The following SCAPER variants were observed in gnomAD, a reference collection of about 807,000 sequenced individuals.
SCAPER encodes S-phase cyclin A associated protein in the ER, also known as S phase cyclin A-associated protein in the endoplasmic reticulum.
SCAPER carries 98 observed loss-of-function variants against 182.2 expected under a neutral mutation model. That is an observed-to-expected ratio of 0.54 (90% CI 0.46 to 0.64). SCAPER has a LOEUF of 0.64. SCAPER is among the 30% of genes least tolerant of loss of function. The pLI is 0.00. For missense variants in SCAPER, 1,432 were observed against 1,690.0 expected, an observed-to-expected ratio of 0.85 and a Z score of 2.68; for synonymous variants, 605 against 564.6, an observed-to-expected ratio of 1.07 and a Z score of -1.01.
At chr15:76,887,108 G>T (rs62029245) in intron 1 of SCAPER, among the ~76,000 whole-genome samples, 10,227 of 152,178 alleles carry the variant, frequency 0.067, 380 homozygotes, top group Middle Eastern at 0.11. Flanking sequence ...CATGACACAA[G>T]TTTACCAACA....
intron 24 of SCAPER, chr15:76,472,226 C>T (rs1391080969): frequency 3.7e-6 from 2 of 535,618 alleles, no homozygotes; most frequent in Non-Finnish European, 7.3e-6. Flanking sequence ...CTAAAAAGTC[C>T]CCTGCAAAGG....
chr15:76,546,457 T>G (rs2045291728), intron 23 of SCAPER, among the ~76,000 whole-genome samples: 1 of 152,122 alleles, frequency 6.6e-6, no homozygotes, highest in Non-Finnish European at 1.5e-5. Context: ...CCCAAAGTGC[T>G]GTGATTACAT....
intron 23 of SCAPER, among the ~76,000 whole-genome samples, chr15:76,518,766 T>C (rs1359673671): frequency 3.9e-5 from 6 of 152,250 alleles, no homozygotes; most frequent in Non-Finnish European, 5.9e-5. Flanking sequence ...CATTAATCTA[T>C]ACTTTGATCA....
At chr15:76,545,018 C>G (rs16968364) in intron 23 of SCAPER, among the ~76,000 whole-genome samples, 12,875 of 152,112 alleles carry the variant, frequency 0.085, 637 homozygotes, top group African/African-American at 0.13. Flanking sequence ...CTTATATAAG[C>G]AAGGCATGAT....
chr15:76,494,764 T>C (rs1567267719), intron 24 of SCAPER, among the ~76,000 whole-genome samples: 1 of 152,074 alleles, frequency 6.6e-6, no homozygotes, highest in Non-Finnish European at 1.5e-5. Context: ...AGATATTCTA[T>C]CTTATCAATA....
At chr15:76,728,527 T>C (rs2060723794) in intron 17 of SCAPER, 68 bp downstream of exon 17, 1 of 1,596,444 alleles carries the variant, frequency 6.3e-7, no homozygotes, top group Admixed American at 1.7e-5. Flanking sequence ...TGACAGTAAA[T>C]GGCTTTAAGA....
intron 2 of SCAPER, among the ~76,000 whole-genome samples, chr15:76,863,236 G>A (rs2072018809): frequency 1.3e-5 from 2 of 152,182 alleles, no homozygotes; most frequent in South Asian, 2.1e-4. Flanking sequence ...AAAATAGTCT[G>A]TTTTTATAAG....
intron 4 of SCAPER, among the ~76,000 whole-genome samples, chr15:76,849,525 G>A (rs2070491062): frequency 6.6e-6 from 1 of 152,170 alleles, no homozygotes; most frequent in Non-Finnish European, 1.5e-5. Context: ...CCAAGTTGGG[G>A]AGGAAACATC....
At chr15:76,812,873 G>C (rs1568217576) in intron 5 of SCAPER, among the ~76,000 whole-genome samples, 1 of 148,904 alleles carries the variant, frequency 6.7e-6, no homozygotes, top group African/African-American at 2.5e-5. Flanking sequence ...AAAAAAATTA[G>C]TATAAATCCT....
intron 5 of SCAPER, among the ~76,000 whole-genome samples, chr15:76,810,596 G>A (rs945118168): frequency 2.1e-5 from 3 of 144,264 alleles, no homozygotes; most frequent in Non-Finnish European, 4.5e-5. Flanking sequence ...GAGCAAGTGA[G>A]AAAAACAAGG....
chr15:76,645,622 C>G (rs986679101), intron 21 of SCAPER, among the ~76,000 whole-genome samples: 3 of 151,788 alleles, frequency 2.0e-5, no homozygotes, highest in Non-Finnish European at 4.4e-5. Flanking sequence ...TAAGTTTATC[C>G]TCCCTGGAAT....
intron 14 of SCAPER, among the ~76,000 whole-genome samples, chr15:76,762,830 T>TTTTTGTAGAGA (rs2062873047): frequency 6.6e-6 from 1 of 152,126 alleles, no homozygotes; most frequent in Non-Finnish European, 1.5e-5. Flanking sequence ...TTGTTGTTCC[T>TTTTTGTAGAGA]TATTTTTGTA....
intron 9 of SCAPER, chr15:76,774,481 T>C (rs998554969): frequency 9.3e-6 from 3 of 321,422 alleles, no homozygotes; most frequent in African/African-American, 4.5e-5. Context: ...TACATAGATA[T>C]CAAATTCTCC....
At chr15:76,679,373 A>G (rs1339006904) in intron 20 of SCAPER, among the ~76,000 whole-genome samples, 1 of 152,208 alleles carries the variant, frequency 6.6e-6, no homozygotes, top group African/African-American at 2.4e-5. Flanking sequence ...TCTGTCAAAC[A>G]GTAAATTTGA....
intron 22 of SCAPER, among the ~76,000 whole-genome samples, chr15:76,596,769 C>A (rs2049534433): frequency 8.3e-6 from 1 of 119,994 alleles, no homozygotes; most frequent in Non-Finnish European, 2.0e-5. Flanking sequence ...ACCCTTCATG[C>A]TAAAAACTCT....
chr15:76,853,950 A>G (rs977826392), intron 4 of SCAPER, among the ~76,000 whole-genome samples: 1 of 151,968 alleles, frequency 6.6e-6, no homozygotes, highest in East Asian at 1.9e-4. Flanking sequence ...CTTAGCTGAT[A>G]AACAACTTCA....
At position 76,441,187 on chromosome 15, in the gene SCAPER, C is replaced by T. The variant is rs547928117; in HGVS notation, c.3079-6877G>A. ...CCACCCGCCTTGGCCTCCCAAAGTG[C>T]TGGGATTACAGGTGTGAGCCACCGT... is the stretch of plus-strand genomic sequence containing the variant. On this transcript the variant is annotated intron_variant, in intron 25 of 31. Transcript: ENST00000563290. Among the ~76,000 whole-genome samples the T allele has an allele frequency of 7.4e-5, 11 of 148,962 alleles. No individual in the cohort carries two copies. The East Asian group carries it at 2.1e-3, about 29-fold the overall frequency.
chr15:76,746,365 T>C (rs1226806004), intron 15 of SCAPER, among the ~76,000 whole-genome samples: 1 of 152,222 alleles, frequency 6.6e-6, no homozygotes, highest in Admixed American at 6.5e-5. Flanking sequence ...AATCTGCACA[T>C]GCAGAACCCA....
chr15:76,446,272 G>A (rs1294604485), intron 25 of SCAPER, among the ~76,000 whole-genome samples: 1 of 152,126 alleles, frequency 6.6e-6, no homozygotes, highest in African/African-American at 2.4e-5. Context: ...ATTAATCAAG[G>A]TGACACGTGA....
Sources: gnomAD v4.1 joint callset for allele counts (sites outside exome capture counted in the v4.1 genomes callset) on GRCh38, gnomAD v4.1.1 for gene constraint, MANE v1.5 for transcripts, NCBI Gene and HGNC (gene_info 2026-07-23, HGNC 2026-07-21) for gene names.